The following INO80D variants were observed in gnomAD, a reference collection of about 807,000 sequenced individuals.
INO80D encodes the protein INO80 complex subunit D.
INO80D carries 21 observed loss-of-function variants against 87.6 expected under a neutral mutation model. The observed-to-expected ratio is 0.24, with a 90% confidence interval of 0.17 to 0.35. The LOEUF (loss-of-function observed/expected upper bound fraction) is 0.35. INO80D is among the 10% of genes least tolerant of loss of function. The pLI is 1.00. For missense variants in INO80D, 982 were observed against 1,280.7 expected, an observed-to-expected ratio of 0.77 and a Z score of 3.56; for synonymous variants, 440 against 491.0, an observed-to-expected ratio of 0.90 and a Z score of 1.37.
At chr2:206,052,573 G>A (rs1267714521) in intron 4 of INO80D, among the ~76,000 whole-genome samples, 1 of 152,032 alleles carries the variant, frequency 6.6e-6, no homozygotes, top group Non-Finnish European at 1.5e-5. Flanking sequence ...ACTTTGGGAG[G>A]CCAAGACAGG....
In INO80D at chr2:206,017,806, G is replaced by T; in HGVS notation, c.1416C>A (p.Leu472=). The change falls in exon 8 of 11, where the codon CTC becomes CTA. Residue 472 remains leucine (L), a synonymous_variant. Transcript: ENST00000403263. ...AGAAGAGCTGCTGAGAGTGGTTCAA[G>T]AGGATATCTGGGTTTTTTTAAGTTA... ...PFTRHCFQHI[L]LNHSQQLFSS... 1.2e-6 allele frequency: 2 copies of T among 1,603,078 alleles called. No homozygotes were observed. The highest frequency in any genetic ancestry group is 1.7e-6 in the Non-Finnish European group (2 of 1,177,392).
At chr2:206,051,615 A>G (rs1164376547) in intron 4 of INO80D, among the ~76,000 whole-genome samples, 1 of 152,180 alleles carries the variant, frequency 6.6e-6, no homozygotes, top group African/African-American at 2.4e-5. Context: ...AGTCCTTGAA[A>G]TATTCTTGGA....
intron 6 of INO80D, among the ~76,000 whole-genome samples, chr2:206,020,736 T>G (rs1441680316): frequency 6.6e-6 from 1 of 152,320 alleles, no homozygotes; most frequent in East Asian, 1.9e-4. Flanking sequence ...AAGAATCGAC[T>G]TCTTGCCCTT....
Position 206,000,545 on chromosome 2 carries a change from C to T in INO80D, c.*3823G>A, listed in dbSNP as rs1437862171. ...CAATTCTTTCATGTAAGAAGAAAAC[C>T]GTATGGACAGGGCACCTCTGTGCAT... On this transcript the variant is annotated 3_prime_UTR_variant, in exon 11 of 11. Coordinates refer to ENST00000403263, the MANE Select transcript of INO80D (RefSeq NM_017759.5). 6.6e-6 allele frequency: 1 copy of T among 151,698 alleles called. No homozygotes were observed. The highest frequency in any genetic ancestry group is 1.5e-5 in the Non-Finnish European group (1 of 67,978). The allele number at this position is 151,698 out of a possible 1,614,324, so 9.4% of individuals were successfully genotyped here. A position where few individuals can be genotyped will look rare whatever the true frequency, so the allele number is the denominator to read the frequency against.
Position 205,997,048 on chromosome 2 carries a change from C to T in INO80D, c.*7320G>A, listed in dbSNP as rs1027335455. ...GATGAAGTAAATGATGCTCAAGAGA[C>T]AACTACAAATTCAGGTATATTATCA... On this transcript the variant is annotated 3_prime_UTR_variant, in exon 11 of 11. Coordinates refer to ENST00000403263, the MANE Select transcript of INO80D (RefSeq NM_017759.5). 1 of 151,964 alleles carries T rather than the reference C, an allele frequency of 6.6e-6. No individual in the cohort carries two copies. Among genetic ancestry groups the T allele is most frequent in the African/African-American group, 2.4e-5 (1 of 41,396 alleles). 9.4% of individuals were successfully genotyped at this position (151,964 alleles called of 1,614,324 possible).
intron 7 of INO80D, 23 bp from the exon 8 acceptor site, chr2:206,017,836 TA>T (rs1466271742): frequency 6.3e-7 from 1 of 1,576,968 alleles, no homozygotes; most frequent in Non-Finnish European, 8.6e-7. Flanking sequence ...AAGTTAGGAG[TA>T]AAATACACTG....
chr2:206,049,761 G>A (rs887412005), intron 4 of INO80D, among the ~76,000 whole-genome samples: 14 of 152,180 alleles, frequency 9.2e-5, no homozygotes, highest in African/African-American at 3.4e-4. Flanking sequence ...CAGAGTATAT[G>A]CATTACTATT....
intron 1 of INO80D, among the ~76,000 whole-genome samples, chr2:206,078,486 A>C (rs1425939055): frequency 6.6e-6 from 1 of 152,180 alleles, no homozygotes; most frequent in East Asian, 1.9e-4. Flanking sequence ...TCATGTCAGC[A>C]GCTCCTTTAA....
Position 206,036,403 on chromosome 2 carries a change from T to TA in INO80D, c.1074-8069dup, listed in dbSNP as rs111447788. ...TATATGATGGAATACTACTCAGCCA[T>TA]AAAAAGGAATGAATTAATGGCATTT... On this transcript the variant is annotated intron_variant, in intron 5 of 10. Transcript: ENST00000403263. Among the ~76,000 whole-genome samples the TA allele has an allele frequency of 2.6e-5, 4 of 152,200 alleles. 1 individual carries two copies. The highest frequency in any genetic ancestry group is 9.6e-5 in the African/African-American group (4 of 41,536).
chr2:206,062,847 T>C lies in INO80D; in HGVS notation c.170A>G (p.Tyr57Cys), dbSNP rs1689722515. 6.2e-7 allele frequency: 1 copy of C among 1,613,330 alleles called. No individual in the cohort carries two copies. Among genetic ancestry groups the C allele is most frequent in the Non-Finnish European group, 8.5e-7 (1 of 1,179,726 alleles). ...PFKQCEYVAK[Y>C]NSQRCTNPIP... ...GGGGTTGGTGCAGCGTTGGCTGTTA[T>C]ACTTGGCCACATATTCACATTGCTT... Residue 57 changes from tyrosine to cysteine, a missense_variant, in exon 3 of 11, where the codon TAT (tyrosine) becomes TGT (cysteine). Coordinates refer to ENST00000403263, the MANE Select transcript of INO80D (RefSeq NM_017759.5). The surrounding 1 kb of genome is among the most constrained non-coding windows in gnomAD (Gnocchi z 4.6).
chr2:206,028,953 T>C, intron 5 of INO80D, among the ~76,000 whole-genome samples: 1 of 151,824 alleles, frequency 6.6e-6, no homozygotes, highest in African/African-American at 2.4e-5. Context: ...AGTGATGCGA[T>C]CTCAGCTCAC....
Position 206,085,499 on chromosome 2 carries a change from C to G in INO80D, c.-124+402G>C, listed in dbSNP as rs944533757. 6.6e-6 allele frequency: 1 copy of G among 151,060 alleles called. No individual in the cohort carries two copies. The highest frequency in any genetic ancestry group is 2.4e-5 in the African/African-American group (1 of 41,262). 9.4% of individuals were successfully genotyped at this position (151,060 alleles called of 1,614,324 possible). On this transcript the variant is annotated intron_variant, in intron 1 of 10. Transcript: ENST00000403263. This position sits in a 1 kb window ranked among gnomAD's most constrained non-coding sequence, Gnocchi z 4.5. ...AGCGCCGCCGTCCCACCCGGAGACCCCGGGGGACTCGAGGGGGCGCGCGGA... is the reference window on the plus strand; with the variant it reads ...AGCGCCGCCGTCCCACCCGGAGACCGCGGGGGACTCGAGGGGGCGCGCGGA...
At chr2:206,032,833 A>C (rs1249125642) in intron 5 of INO80D, among the ~76,000 whole-genome samples, 1 of 152,200 alleles carries the variant, frequency 6.6e-6, no homozygotes, top group African/African-American at 2.4e-5. Flanking sequence ...CTAAATCTTG[A>C]AACAAATCCA....
chr2:206,009,041 G>A (rs529573690), intron 9 of INO80D, among the ~76,000 whole-genome samples: 6 of 152,340 alleles, frequency 3.9e-5, no homozygotes, highest in African/African-American at 1.4e-4. Flanking sequence ...TAGGTATAGT[G>A]GTTCATGCCT....
At chr2:206,040,988 C>G (rs1559448076) in intron 5 of INO80D, 1 of 153,884 alleles carries the variant, frequency 6.5e-6, no homozygotes. Flanking sequence ...TGAAAGGACA[C>G]TGTTATACGT....
intron 5 of INO80D, chr2:206,040,656 T>G: frequency 4.3e-6 from 1 of 231,186 alleles, no homozygotes; most frequent in Non-Finnish European, 9.4e-6. Flanking sequence ...TTGTGAAGGT[T>G]TATAACTACA....
At chr2:206,057,750 A>G (rs563696555) in intron 3 of INO80D, among the ~76,000 whole-genome samples, 1 of 152,198 alleles carries the variant, frequency 6.6e-6, no homozygotes, top group Non-Finnish European at 1.5e-5. Context: ...GGATCTCACA[A>G]ATCACCACTA....
intron 4 of INO80D, among the ~76,000 whole-genome samples, chr2:206,051,963 A>G (rs904221721): frequency 1.3e-5 from 2 of 152,204 alleles, no homozygotes; most frequent in Non-Finnish European, 2.9e-5. Flanking sequence ...TGTATTCCTC[A>G]TGCCATGCCT....
chr2:206,077,001 C>T (rs1014709580), intron 1 of INO80D, among the ~76,000 whole-genome samples: 1 of 152,164 alleles, frequency 6.6e-6, no homozygotes. Flanking sequence ...AAGCCGGGCG[C>T]GGTGGCTCAC....
Sources: gnomAD v4.1 joint callset for allele counts (sites outside exome capture counted in the v4.1 genomes callset) on GRCh38, gnomAD v4.1.1 for gene constraint, Gnocchi (gnomAD v3.1) non-coding constraint, MANE v1.5 for transcripts, NCBI Gene and HGNC (gene_info 2026-07-23, HGNC 2026-07-21) for gene names.